NTM: variants seen among roughly 807,000 people sequenced by gnomAD.
NTM encodes the protein neurotrimin.
NTM carries 13 observed loss-of-function variants against 42.1 expected under a neutral mutation model. The ratio of observed to expected loss-of-function variants is 0.31; its 90% CI spans 0.20 to 0.49. The LOEUF (loss-of-function observed/expected upper bound fraction) is 0.49, where lower values mean the gene tolerates loss of function less well. Among genes scored for constraint, NTM ranks in the 20% least tolerant of loss-of-function variants. The pLI is 0.99. For missense variants in NTM, 373 were observed against 452.8 expected (o/e 0.82, Z 1.60); for synonymous variants, 187 against 179.2 (o/e 1.04, Z -0.35).
intron 1 of NTM, among the ~76,000 whole-genome samples, chr11:131,763,719 T>TTTTTTTTTTTTTTTTTTTTTTTTG (rs2084640995): frequency 6.9e-6 from 1 of 144,830 alleles, no homozygotes; most frequent in Non-Finnish European, 1.5e-5. Flanking sequence ...CTTTTTTTTT[T>TTTTTTTTTTTTTTTTTTTTTTTTG]TTTTTTTTTT....
At chr11:131,868,228 G>A (rs2047422764) in intron 1 of NTM, among the ~76,000 whole-genome samples, 2 of 152,160 alleles carry the variant, frequency 1.3e-5, no homozygotes, top group East Asian at 1.9e-4. Context: ...ATTCTCTGGC[G>A]TTTTTGTTTC....
chr11:131,394,571 C>A (rs370345406), intron 1 of NTM, among the ~76,000 whole-genome samples: 2 of 152,170 alleles, frequency 1.3e-5, no homozygotes, highest in African/African-American at 4.8e-5. Flanking sequence ...TCTGAACGAA[C>A]CTTCCAGCCC....
intron 2 of NTM, among the ~76,000 whole-genome samples, chr11:132,000,003 CT>C (rs963457506): frequency 6.6e-6 from 1 of 151,968 alleles, no homozygotes; most frequent in Non-Finnish European, 1.5e-5. Flanking sequence ...CTTTTTTCCC[CT>C]TCCACCTAGC....
chr11:131,691,836 T>C (rs1340294066), intron 1 of NTM, among the ~76,000 whole-genome samples: 1 of 152,240 alleles, frequency 6.6e-6, no homozygotes, highest in East Asian at 1.9e-4. Context: ...GTCTTTCGTG[T>C]GTCATGTTAC....
intron 1 of NTM, among the ~76,000 whole-genome samples, chr11:131,645,087 C>T (rs974586096): frequency 3.3e-5 from 5 of 151,908 alleles, no homozygotes; most frequent in Non-Finnish European, 4.4e-5. Context: ...GACTCTAGGC[C>T]CTATTTTAAG....
chr11:131,720,768 G>A (rs2078235870), intron 1 of NTM, among the ~76,000 whole-genome samples: 1 of 152,158 alleles, frequency 6.6e-6, no homozygotes, highest in African/African-American at 2.4e-5. Context: ...GGCTGCATAA[G>A]TTCTCATTCC....
At chr11:131,507,405 C>G (rs2047621707) in intron 1 of NTM, among the ~76,000 whole-genome samples, 1 of 151,246 alleles carries the variant, frequency 6.6e-6, no homozygotes, top group South Asian at 2.1e-4. Context: ...TGTTCTGTTC[C>G]ATTGATCTAT....
At chr11:131,861,259 C>T (rs1213163571) in intron 1 of NTM, among the ~76,000 whole-genome samples, 2 of 152,208 alleles carry the variant, frequency 1.3e-5, no homozygotes, top group South Asian at 2.1e-4. Flanking sequence ...ACGGTCCTAT[C>T]CCCAAGTGCT....
intron 1 of NTM, among the ~76,000 whole-genome samples, chr11:131,898,736 A>G (rs539434861): frequency 6.8e-4 from 104 of 152,332 alleles, no homozygotes; most frequent in South Asian, 1.9e-3. Flanking sequence ...ATTTGGGAGA[A>G]CATTTTCTAA....
At chr11:132,201,547 G>T (rs1437794567) in intron 3 of NTM, among the ~76,000 whole-genome samples, 1 of 152,212 alleles carries the variant, frequency 6.6e-6, no homozygotes, top group Non-Finnish European at 1.5e-5. Context: ...CTGGTGAGAA[G>T]AAATTAGAAA....
At chr11:132,329,570 A>G (rs1280452228) in intron 7 of NTM, among the ~76,000 whole-genome samples, 2 of 152,190 alleles carry the variant, frequency 1.3e-5, no homozygotes, top group Non-Finnish European at 2.9e-5. Context: ...AGAAAAGTCA[A>G]ATGTCAATGG....
At chr11:131,719,875 T>C (rs1376174404) in intron 1 of NTM, among the ~76,000 whole-genome samples, 1 of 152,172 alleles carries the variant, frequency 6.6e-6, no homozygotes, top group Non-Finnish European at 1.5e-5. Context: ...TTGGAGATAA[T>C]TGGAAATTAC....
intron 4 of NTM, among the ~76,000 whole-genome samples, chr11:132,261,451 G>C (rs577583394): frequency 2.0e-5 from 3 of 152,262 alleles, no homozygotes; most frequent in Admixed American, 2.0e-4. Flanking sequence ...TTTTGCCGTG[G>C]TTATAATACT....
intron 1 of NTM, among the ~76,000 whole-genome samples, chr11:131,764,872 C>T (rs1211902748): frequency 1.3e-5 from 2 of 152,146 alleles, no homozygotes; most frequent in African/African-American, 2.4e-5. Context: ...GAGCTAACCT[C>T]TAACACAATG....
intron 1 of NTM, among the ~76,000 whole-genome samples, chr11:131,746,716 A>G (rs1253180141): frequency 6.6e-6 from 1 of 152,156 alleles, no homozygotes; most frequent in Non-Finnish European, 1.5e-5. Flanking sequence ...AAATGATGGG[A>G]CATTGCTATT....
At chr11:131,900,916 C>T (rs957325282) in intron 1 of NTM, among the ~76,000 whole-genome samples, 1 of 152,132 alleles carries the variant, frequency 6.6e-6, no homozygotes, top group Non-Finnish European at 1.5e-5. Flanking sequence ...TGGGCCAACA[C>T]TTGTTTTTTG....
chr11:132,310,094 G>A lies in NTM; in HGVS notation c.662-18G>A. The A allele has an allele frequency of 1.3e-6, 2 of 1,563,406 alleles. No individual in the cohort carries two copies. Among genetic ancestry groups the A allele is most frequent in the Non-Finnish European group, 1.7e-6 (2 of 1,162,804 alleles). ...AAAAAAGGTGGGGGGGCGGCTATGA[G>A]ACATCTTCTTTTTGCAGATCCACCA... On this transcript the variant is annotated intron_variant, in intron 5 of 8. Coordinates refer to ENST00000683400, the MANE Select transcript of NTM (RefSeq NM_001352005.2).
chr11:131,797,451 C>T (rs987081761), intron 1 of NTM, among the ~76,000 whole-genome samples: 15 of 152,276 alleles, frequency 9.9e-5, no homozygotes, highest in African/African-American at 2.9e-4. Flanking sequence ...ACTATGGCAA[C>T]ACATTTGTTT....
In NTM at chr11:131,615,506, C is replaced by T. The variant is rs530050011; in HGVS notation, c.82+244618C>T. 2.6e-5 allele frequency among the ~76,000 whole-genome samples: 4 copies of T among 152,320 alleles called. No individual in the cohort carries two copies. The South Asian group carries it at 8.3e-4, about 32-fold the overall frequency. ...TTAGCCTCTTGAGTAGCTGGGATTA[C>T]AGGCACCCACCACAATGCCTGGCTA... On this transcript the variant is annotated intron_variant, in intron 1 of 8. Coordinates refer to ENST00000683400, the MANE Select transcript of NTM (RefSeq NM_001352005.2).
Sources: gnomAD v4.1 joint callset for allele counts (sites outside exome capture counted in the v4.1 genomes callset) on GRCh38, gnomAD v4.1.1 for gene constraint, MANE v1.5 for transcripts, NCBI Gene and HGNC (gene_info 2026-07-23, HGNC 2026-07-21) for gene names.